TIMM23B: variants seen among roughly 807,000 people sequenced by gnomAD.
The protein encoded by TIMM23B is mitochondrial import inner membrane translocase subunit Tim23B.
In TIMM23B, 27 loss-of-function variants were observed where a neutral mutation model predicts 27.3. The ratio of observed to expected loss-of-function variants is 0.99; its 90% CI spans 0.73 to 1.36. The LOEUF (loss-of-function observed/expected upper bound fraction) is 1.36, where lower values mean the gene tolerates loss of function less well. Ranked by LOEUF, TIMM23B falls within the 40% of genes most tolerant of loss-of-function variation. TIMM23B has a pLI of 0.00. For synonymous variants in TIMM23B, 73 were observed against 92.4 expected (o/e 0.79, Z 1.21); for missense variants, 205 against 244.2 (o/e 0.84, Z 1.07).
rs1839316262 is a variant in TIMM23B, at chr10:49,945,150, G to A, written c.165+60G>A. ...TTTACCATTTTTAAAAAAACGCCAA[G>A]TGCTATGCTGACTTGAACTATGACA... On this transcript the variant is annotated intron_variant, in intron 2 of 6. Coordinates refer to ENST00000651259, the MANE Select transcript of TIMM23B (RefSeq NM_001290117.2). 26 of 1,566,118 alleles carry A rather than the reference G, an allele frequency of 1.7e-5. No homozygotes were observed. The South Asian group carries it at 2.4e-4, about 14-fold the overall frequency.
Position 49,952,133 on chromosome 10 carries a change from A to G in TIMM23B, c.173A>G (p.Asp58Gly). 1.3e-6 allele frequency: 2 copies of G among 1,596,644 alleles called. No homozygotes were observed. The highest frequency in any genetic ancestry group is 1.7e-6 in the Non-Finnish European group (2 of 1,164,090). Reference sequence around the variant, plus strand: ...TCATTATTATCCTTTTAGGATACAGATGAGTTCATTTTACCTACCGGAGCT... The same window carrying G: ...TCATTATTATCCTTTTAGGATACAGGTGAGTTCATTTTACCTACCGGAGCT... ...VDPRYLVQDT[D>G]EFILPTGANK... Residue 58 changes from aspartate to glycine, a missense_variant, in exon 3 of 7, where the codon GAT becomes GGT. By Grantham distance (94) the Asp-to-Gly change is moderately conservative. Transcript: ENST00000651259.
At chr10:49,961,757 A>C (rs1446647579) in intron 6 of TIMM23B, among the ~76,000 whole-genome samples, 1 of 150,468 alleles carries the variant, frequency 6.6e-6, no homozygotes, top group Non-Finnish European at 1.5e-5. Context: ...ATGCCACCAC[A>C]CCCAGCTAAT....
chr10:49,971,079 G>A (rs1554856477), intron 6 of TIMM23B, among the ~76,000 whole-genome samples: 1 of 152,148 alleles, frequency 6.6e-6, no homozygotes, highest in Non-Finnish European at 1.5e-5. Context: ...AGGGTTAAAT[G>A]GATTAAGAGC....
intron 3 of TIMM23B, 67 bp from the exon 4 acceptor site, chr10:49,952,382 T>G: frequency 6.5e-7 from 1 of 1,548,382 alleles, no homozygotes; most frequent in South Asian, 1.2e-5. Flanking sequence ...AGTGTAGTTA[T>G]GCAGTTTTGA....
At chr10:49,969,660 C>T (rs1273251645) in intron 6 of TIMM23B, among the ~76,000 whole-genome samples, 1 of 151,866 alleles carries the variant, frequency 6.6e-6, no homozygotes, top group African/African-American at 2.4e-5. Context: ...TGCCACTGCA[C>T]TCCAGCCTAG....
At chr10:49,952,324 T>C in intron 3 of TIMM23B, 105 bp downstream of exon 3, 1 of 1,446,022 alleles carries the variant, frequency 6.9e-7, no homozygotes, top group South Asian at 1.3e-5. Context: ...TTTTTTTTAA[T>C]ATTTACATTT....
intron 6 of TIMM23B, among the ~76,000 whole-genome samples, chr10:49,962,658 C>T (rs1839960033): frequency 6.6e-6 from 1 of 152,262 alleles, no homozygotes; most frequent in African/African-American, 2.4e-5. Flanking sequence ...CTTCCAGATA[C>T]CTACCTGAAA....
At chr10:49,970,683 C>T (rs1487049196) in intron 6 of TIMM23B, among the ~76,000 whole-genome samples, 6 of 137,100 alleles carry the variant, frequency 4.4e-5, no homozygotes, top group East Asian at 2.2e-4. Context: ...GCCCCTGCCC[C>T]GCCAGCCACC....
At position 49,961,154 on chromosome 10, in the gene TIMM23B, C is replaced by T. The variant is rs1324757812; in HGVS notation, c.514+2674C>T. Among the ~76,000 whole-genome samples the T allele has an allele frequency of 8.0e-4, 121 of 150,914 alleles. 1 individual carries two copies. The highest frequency in any genetic ancestry group is 6.8e-3 in the Middle Eastern group (2 of 292). ...TCCCAGCATTTTTGGGAGGCTGAGG[C>T]GGGTGGATCCCCTGAGGTCAGGAGT... On this transcript the variant is annotated intron_variant, in intron 6 of 6. Transcript: ENST00000651259.
intron 4 of TIMM23B, among the ~76,000 whole-genome samples, chr10:49,954,641 C>T (rs1295025858): frequency 9.2e-5 from 14 of 151,606 alleles, no homozygotes; most frequent in South Asian, 6.2e-4. Context: ...TTTCTGTAAA[C>T]CTCTGTAAGA....
intron 6 of TIMM23B, among the ~76,000 whole-genome samples, chr10:49,963,882 T>G (rs1294807844): frequency 4.6e-5 from 7 of 151,958 alleles, no homozygotes; most frequent in African/African-American, 1.7e-4. Flanking sequence ...GGAGAATCGC[T>G]TGAACCCAGG....
At chr10:49,948,308 CA>C (rs1839416741) in intron 2 of TIMM23B, among the ~76,000 whole-genome samples, 1 of 152,094 alleles carries the variant, frequency 6.6e-6, no homozygotes, top group African/African-American at 2.4e-5. Flanking sequence ...AACAGTCTGG[CA>C]GTTTCTCAAA....
intron 5 of TIMM23B, among the ~76,000 whole-genome samples, chr10:49,958,139 C>T (rs1564683506): frequency 6.6e-6 from 1 of 152,144 alleles, no homozygotes. Flanking sequence ...CTTCTGAGGC[C>T]TGAAGTGCCC....
chr10:49,950,079 G>A (rs1460173405), intron 2 of TIMM23B, among the ~76,000 whole-genome samples: 2 of 151,716 alleles, frequency 1.3e-5, no homozygotes, highest in East Asian at 3.8e-4. Flanking sequence ...TTTAAATTGT[G>A]TCAAGTAATA....
intron 5 of TIMM23B, 60 bp downstream of exon 5, chr10:49,955,120 C>A: frequency 6.5e-7 from 1 of 1,547,948 alleles, no homozygotes; most frequent in Non-Finnish European, 8.9e-7. Flanking sequence ...GCACAAATAT[C>A]ATGAACAATT....
intron 5 of TIMM23B, 32 bp downstream of exon 5, chr10:49,955,092 T>G (rs1452427747): frequency 6.2e-7 from 1 of 1,605,758 alleles, no homozygotes; most frequent in African/African-American, 1.3e-5. Context: ...TAATAAATTG[T>G]TAACTTAAAG....
At chr10:49,963,249 T>C (rs1232939518) in intron 6 of TIMM23B, among the ~76,000 whole-genome samples, 1 of 151,344 alleles carries the variant, frequency 6.6e-6, no homozygotes, top group Non-Finnish European at 1.5e-5. Context: ...ATGCCGGGTG[T>C]GGTGGCACAC....
chr10:49,960,536 C>T (rs1839862371), intron 6 of TIMM23B, among the ~76,000 whole-genome samples: 2 of 152,084 alleles, frequency 1.3e-5, no homozygotes, highest in Non-Finnish European at 2.9e-5. Context: ...TAGGTTAGCT[C>T]ATTTACCATT....
chr10:49,942,079 G>A lies in TIMM23B; in HGVS notation c.-116G>A. On this transcript the variant is annotated 5_prime_UTR_variant, in exon 1 of 7. Transcript: ENST00000651259. ...ACGGGAACCGGCGCCCGGAATGTCA[G>A]CGTGTGAAGTAGGCGCTGGCAACGC... is the stretch of plus-strand genomic sequence containing the variant. The A allele has an allele frequency of 1.5e-6, 2 of 1,316,050 alleles. No individual in the cohort carries two copies. Among genetic ancestry groups the A allele is most frequent in the South Asian group, 1.5e-5 (1 of 67,252 alleles). The allele number at this position is 1,316,050 out of a possible 1,614,324, so 81.5% of individuals were successfully genotyped here. A position where few individuals can be genotyped will look rare whatever the true frequency, so the allele number is the denominator to read the frequency against.
Sources: allele counts gnomAD v4.1 joint callset (sites outside exome capture counted in the v4.1 genomes callset), GRCh38; gene constraint gnomAD v4.1.1; transcripts MANE v1.5; gene names NCBI Gene and HGNC (gene_info 2026-07-23, HGNC 2026-07-21).